Variants in IL17RA observed in about 807,000 individuals in gnomAD.
The protein encoded by IL17RA is interleukin 17 receptor A.
Under a neutral mutation model 50.4 loss-of-function variants are expected in IL17RA, and 34 were observed. The ratio of observed to expected loss-of-function variants is 0.67; its 90% CI spans 0.51 to 0.90. The LOEUF is 0.90. Ranked by LOEUF, IL17RA falls within the 40% of genes least tolerant of loss-of-function variation. The probability of loss-of-function intolerance (pLI) is 0.00; values close to 1 mark genes in which losing one functional copy is unlikely to be tolerated. For synonymous variants in IL17RA, 585 were observed against 510.4 expected (o/e 1.15, Z -1.97); for missense variants, 1,276 against 1,169.8 (o/e 1.09, Z -1.32).
chr22:17,104,972 T>C (rs2061408311), intron 9 of IL17RA, among the ~76,000 whole-genome samples, 162 bp downstream of exon 9: 1 of 152,116 alleles, frequency 6.6e-6, no homozygotes, highest in Non-Finnish European at 1.5e-5. Context: ...GGCTTTAGAG[T>C]GTCACTCCCT....
In IL17RA at chr22:17,114,427, T is replaced by C. The variant is rs547815732; in HGVS notation, c.*4607T>C. On this transcript the variant is annotated 3_prime_UTR_variant, in exon 13 of 13. Coordinates refer to ENST00000319363, the MANE Select transcript of IL17RA (RefSeq NM_014339.7). ...GAACATGCAGTCTCCTGTCTCATGG[T>C]TTGAAGTGTGCCAGGAAGCCTGGCC... 6.6e-6 allele frequency: 1 copy of C among 152,290 alleles called. No individual in the cohort carries two copies. The highest frequency in any genetic ancestry group is 2.4e-5 in the African/African-American group (1 of 41,510). The allele number at this position is 152,290 out of a possible 1,614,324, so 9.4% of individuals were successfully genotyped here.
Position 17,115,394 on chromosome 22 carries a change from T to C in IL17RA, c.*5574T>C, listed in dbSNP as rs901416473. 2 of 152,262 alleles carry C rather than the reference T, an allele frequency of 1.3e-5. No homozygotes were observed. Among genetic ancestry groups the C allele is most frequent in the Non-Finnish European group, 2.9e-5 (2 of 68,056 alleles). The allele number at this position is 152,262 out of a possible 1,614,324, so 9.4% of individuals were successfully genotyped here. A position where few individuals can be genotyped will look rare whatever the true frequency, so the allele number is the denominator to read the frequency against. On this transcript the variant is annotated 3_prime_UTR_variant, in exon 13 of 13. Transcript: ENST00000319363. ...CCTGTTTTATAAATAATGACATAGT[T>C]CCAGTTGATGGCCAAAGCCACAGCT...
chr22:17,098,979 G>C, intron 4 of IL17RA, 92 bp downstream of exon 4: 1 of 1,050,428 alleles, frequency 9.5e-7, no homozygotes. Flanking sequence ...TTAGAGTGGG[G>C]GAGACCCAGA....
intron 1 of IL17RA, among the ~76,000 whole-genome samples, chr22:17,094,667 C>CTATATATATATATATA (rs2061359995): frequency 5.6e-4 from 14 of 25,104 alleles, no homozygotes; most frequent in Non-Finnish European, 8.6e-4. Context: ...CTCTCTCTCT[C>CTATATATATATATATA]TCTCTCTCTC....
rs778531902 is a variant in IL17RA at position 17,108,542 on chromosome 22, T to C, written c.1323T>C (p.Ser441=). ...AGCAGGAGATGGTGGAGAGCAACTC[T>C]AAGATCATCGTCCTGTGCTCCCGCG... ...RQKQEMVESN[S]KIIVLCSRGT... is the part of the protein sequence containing the mutation. Residue 441 remains serine (S), a synonymous_variant, in exon 13 of 13, where the codon TCT becomes TCC. Coordinates refer to ENST00000319363, the MANE Select transcript of IL17RA (RefSeq NM_014339.7). 5.6e-6 allele frequency: 9 copies of C among 1,609,814 alleles called. No homozygotes were observed. The African/African-American group carries it at 8.0e-5, about 14-fold the overall frequency.
chr22:17,097,742 G>C, intron 2 of IL17RA, 55 bp from the exon 3 acceptor site: 1 of 1,608,522 alleles, frequency 6.2e-7, no homozygotes, highest in South Asian at 1.1e-5. Flanking sequence ...TGCTGCTGGG[G>C]CATCTCAGGG....
chr22:17,095,539 T>C lies in IL17RA; in HGVS notation c.139-1523T>C, dbSNP rs544291965. ...GTGGCTAGTAGGAAGTTACTCCAAATGATGTATCTGTTTGCCTTCTCTAGA... is the reference window on the plus strand; with the variant it reads ...GTGGCTAGTAGGAAGTTACTCCAAACGATGTATCTGTTTGCCTTCTCTAGA... On this transcript the variant is annotated intron_variant, in intron 1 of 12. Coordinates refer to ENST00000319363, the MANE Select transcript of IL17RA (RefSeq NM_014339.7). Among the ~76,000 whole-genome samples the C allele has an allele frequency of 2.1e-4, 32 of 152,312 alleles. No homozygotes were observed. In the South Asian group the frequency reaches 6.4e-3, roughly 31 times the overall value.
At chr22:17,094,707 A>ATATATATATATATATGTG (rs2061362690) in intron 1 of IL17RA, among the ~76,000 whole-genome samples, 2 of 73,030 alleles carry the variant, frequency 2.7e-5, no homozygotes, top group Non-Finnish European at 5.3e-5. Flanking sequence ...ATATATATAT[A>ATATATATATATATATGTG]TATATATATA....
At chr22:17,085,434 T>A in intron 1 of IL17RA, 1 of 444,416 alleles carries the variant, frequency 2.3e-6, no homozygotes, top group African/African-American at 2.2e-5. Flanking sequence ...CGGTGTGGAA[T>A]ACGGGGGGGG....
In IL17RA at chr22:17,085,148, C is replaced by T. The variant is rs1418150684; in HGVS notation, c.57C>T (p.Leu19=). 2.6e-6 allele frequency: 4 copies of T among 1,510,778 alleles called. No individual in the cohort carries two copies. Among genetic ancestry groups the T allele is most frequent in the South Asian group, 1.2e-5 (1 of 81,050 alleles). The allele number at this position is 1,510,778 out of a possible 1,614,324, so 93.6% of individuals were successfully genotyped here. The change falls in exon 1 of 13, where the codon CTC becomes CTT. Residue 19 remains leucine (L), a synonymous_variant. Transcript: ENST00000319363. The part of the protein sequence containing the change: ...SAVPGPLLGL[L]LLLLGVLAPG... ...TCCCGGGGCCCCTGCTGGGGCTGCT[C>T]CTGCTGCTCCTGGGCGTGCTGGCCC...
rs41432148 is a variant in IL17RA at position 17,108,966 on chromosome 22, G to A, written c.1747G>A (p.Asp583Asn). ...CCGGGACTGGCAGGTCCGCTGTCCC[G>A]ACTGGTTCGAATGTGAGAACCTCTA... ...RFRDWQVRCPDWFECENLYSA... is the reference protein window; with the variant it reads ...RFRDWQVRCPNWFECENLYSA... The change falls in exon 13 of 13, where the codon GAC (aspartate) becomes AAC (asparagine). Residue 583 changes from aspartate to asparagine, a missense_variant. Physicochemically the swap from Asp to Asn is conservative, Grantham distance 23 (BLOSUM62 1). Coordinates refer to ENST00000319363, the MANE Select transcript of IL17RA (RefSeq NM_014339.7). 3 of 1,605,584 alleles carry A rather than the reference G, an allele frequency of 1.9e-6. No individual in the cohort carries two copies. Among genetic ancestry groups the A allele is most frequent in the South Asian group, 1.1e-5 (1 of 90,610 alleles).
intron 1 of IL17RA, among the ~76,000 whole-genome samples, chr22:17,092,813 C>T (rs1413709595): frequency 6.6e-6 from 1 of 152,044 alleles, no homozygotes; most frequent in Non-Finnish European, 1.5e-5. Context: ...TATTTTGTTT[C>T]CTAAATTGAA....
chr22:17,107,705 G>C, intron 11 of IL17RA, 22 bp from the exon 12 acceptor site: 1 of 1,606,218 alleles, frequency 6.2e-7, no homozygotes, highest in Non-Finnish European at 8.5e-7. Flanking sequence ...AACCACTCCA[G>C]TGTATTTCTT....
At chr22:17,086,221 CCCTCCACCTCCA>C (rs541931710) in intron 1 of IL17RA, among the ~76,000 whole-genome samples, 45 of 152,108 alleles carry the variant, frequency 3.0e-4, no homozygotes, top group East Asian at 3.9e-4. Flanking sequence ...ATCTTTCCTC[CCCTCCACCTCCA>C]CCTCCACCTC....
chr22:17,109,883 C>T lies in IL17RA; in HGVS notation c.*63C>T. 1 of 1,403,092 alleles carries T rather than the reference C, an allele frequency of 7.1e-7. No individual in the cohort carries two copies. 86.9% of individuals were successfully genotyped at this position (1,403,092 alleles called of 1,614,324 possible). ...AGAGAGGAGTGTGTGTGCACGTATTCATCTGTGTGTACATGTCTGCATGTG... is the reference window on the plus strand; with the variant it reads ...AGAGAGGAGTGTGTGTGCACGTATTTATCTGTGTGTACATGTCTGCATGTG... On this transcript the variant is annotated 3_prime_UTR_variant, in exon 13 of 13. Transcript: ENST00000319363.
In IL17RA at chr22:17,105,741, G is replaced by A. The variant is rs4819959; in HGVS notation, c.944-112G>A. ...GGGGTGGGGGGTGAGACCATGGTTT[G>A]TCGTGGTGGGGCCAGAGAGGACAGA... is the stretch of plus-strand genomic sequence containing the variant. On this transcript the variant is annotated intron_variant, in intron 10 of 12. Coordinates refer to ENST00000319363, the MANE Select transcript of IL17RA (RefSeq NM_014339.7). The A allele has an allele frequency of 0.51, 715,110 of 1,389,690 alleles. 187,425 individuals carry two copies. The highest frequency in any genetic ancestry group is 0.79 in the East Asian group (34,571 of 43,892). The allele number at this position is 1,389,690 out of a possible 1,614,324, so 86.1% of individuals were successfully genotyped here. A position where few individuals can be genotyped will look rare whatever the true frequency, so the allele number is the denominator to read the frequency against.
intron 1 of IL17RA, among the ~76,000 whole-genome samples, chr22:17,095,577 C>A (rs1314326880): frequency 6.6e-6 from 1 of 152,188 alleles, no homozygotes; most frequent in Non-Finnish European, 1.5e-5. Context: ...AGTTCCCCAT[C>A]TCAAGGTGAA....
intron 7 of IL17RA, 147 bp from the exon 8 acceptor site, chr22:17,103,347 T>C (rs1242970948): frequency 5.8e-6 from 4 of 694,924 alleles, no homozygotes; most frequent in African/African-American, 1.8e-5. Context: ...AGTTTTTTTC[T>C]GGAATAGAAA....
At chr22:17,104,647 T>C (rs920016888) in intron 8 of IL17RA, 79 bp from the exon 9 acceptor site, 118 of 1,304,024 alleles carry the variant, frequency 9.0e-5, no homozygotes, top group Non-Finnish European at 1.3e-4. Flanking sequence ...GATCCCCTCC[T>C]CTCACATTGC....
Sources: allele counts gnomAD v4.1 joint callset (sites outside exome capture counted in the v4.1 genomes callset), GRCh38; gene constraint gnomAD v4.1.1; transcripts MANE v1.5; gene names NCBI Gene and HGNC (gene_info 2026-07-23, HGNC 2026-07-21).